Variants in FRAS1 observed in about 807,000 individuals in gnomAD.
FRAS1 encodes Fraser extracellular matrix complex subunit 1, also known as extracellular matrix organizing protein FRAS1.
In FRAS1, 290 loss-of-function variants were observed where a neutral mutation model predicts 435.2. That is an observed-to-expected ratio of 0.67 (90% confidence interval 0.61 to 0.73). The LOEUF (loss-of-function observed/expected upper bound fraction) is 0.73, where lower values mean the gene tolerates loss of function less well. Ranked by LOEUF, FRAS1 falls within the 30% of genes least tolerant of loss-of-function variation. The pLI is 0.00. For missense variants in FRAS1, 4,860 were observed against 5,001.5 expected, an observed-to-expected ratio of 0.97 and a Z score of 0.85; for synonymous variants, 1,800 against 1,851.0, an observed-to-expected ratio of 0.97 and a Z score of 0.71.
chr4:78,493,513 G>C (rs1311209540), intron 59 of FRAS1, among the ~76,000 whole-genome samples: 1 of 152,174 alleles, frequency 6.6e-6, no homozygotes, highest in Admixed American at 6.5e-5. Flanking sequence ...CAGGGACACG[G>C]ATGAAGCTGG....
chr4:78,327,696 C>A (rs1729773765), intron 18 of FRAS1, among the ~76,000 whole-genome samples: 1 of 152,212 alleles, frequency 6.6e-6, no homozygotes, highest in South Asian at 2.1e-4. Flanking sequence ...CATAGAACTT[C>A]TTTCAGATAT....
Position 78,438,878 on chromosome 4 carries a change from T to G in FRAS1, c.5367-24T>G, listed in dbSNP as rs752968551. ...TGGCTTGTCATCGTGGCTTATTCAT[T>G]TGATTCTTTTTGTTTTTTTATAGAT... On this transcript the variant is annotated intron_variant, in intron 39 of 73. Coordinates refer to ENST00000512123, the MANE Select transcript of FRAS1 (RefSeq NM_025074.7). 1.1e-4 allele frequency: 175 copies of G among 1,586,276 alleles called. No homozygotes were observed. The Admixed American group carries it at 1.3e-3, about 11-fold the overall frequency.
chr4:78,292,108 T>C (rs73827944), intron 14 of FRAS1, among the ~76,000 whole-genome samples: 2,090 of 152,352 alleles, frequency 0.014, 53 homozygotes, highest in African/African-American at 0.047. Context: ...ATTGATATTA[T>C]TGAAACCATT....
At chr4:78,099,376 C>G (rs1411478132) in intron 2 of FRAS1, among the ~76,000 whole-genome samples, 1 of 152,196 alleles carries the variant, frequency 6.6e-6, no homozygotes, top group Non-Finnish European at 1.5e-5. Flanking sequence ...TAGGGAGTGA[C>G]AGCAGGCTCT....
chr4:78,482,803 C>G (rs182785268), intron 58 of FRAS1, among the ~76,000 whole-genome samples: 21 of 152,230 alleles, frequency 1.4e-4, no homozygotes, highest in African/African-American at 4.6e-4. Flanking sequence ...CCTGTGGAAT[C>G]AGACCCTTAA....
At chr4:78,077,217 CA>C (rs1740679864) in intron 2 of FRAS1, among the ~76,000 whole-genome samples, 4 of 151,894 alleles carry the variant, frequency 2.6e-5, no homozygotes, top group Admixed American at 6.6e-5. Flanking sequence ...CACACACACA[CA>C]CATTAGCTGA....
chr4:78,197,801 C>T lies in FRAS1; in HGVS notation c.109-39709C>T, dbSNP rs368711775. On this transcript the variant is annotated intron_variant, in intron 2 of 73. Transcript: ENST00000512123. ...CTAAAAATACAAAAAATTAGCTGGG[C>T]GTGGTGGTGGGCGCCTGTAGTCCCA... is the stretch of plus-strand genomic sequence containing the variant. 9.7e-4 allele frequency among the ~76,000 whole-genome samples: 148 copies of T among 151,932 alleles called. 1 individual carries two copies. Among genetic ancestry groups the T allele is most frequent in the African/African-American group, 3.4e-3 (143 of 41,470 alleles).
chr4:78,529,885 A>AT (rs1330508169), intron 70 of FRAS1, among the ~76,000 whole-genome samples: 2 of 152,134 alleles, frequency 1.3e-5, no homozygotes, highest in East Asian at 3.8e-4. Context: ...TTTGTTTAAT[A>AT]TTTTTGGACT....
At chr4:78,344,734 T>C (rs1355684247) in intron 20 of FRAS1, among the ~76,000 whole-genome samples, 1 of 152,212 alleles carries the variant, frequency 6.6e-6, no homozygotes, top group Non-Finnish European at 1.5e-5. Flanking sequence ...TTTTAAATGC[T>C]AAGGAAGCTG....
chr4:78,258,231 C>T (rs1161564506), intron 6 of FRAS1, among the ~76,000 whole-genome samples: 1 of 151,564 alleles, frequency 6.6e-6, no homozygotes, highest in Admixed American at 6.6e-5. Context: ...GTCCCAGCTA[C>T]TTGGGAGGCT....
intron 44 of FRAS1, among the ~76,000 whole-genome samples, chr4:78,449,265 G>A (rs1718946504): frequency 1.3e-5 from 2 of 152,162 alleles, no homozygotes; most frequent in Admixed American, 6.5e-5. Flanking sequence ...ACACTTTCGT[G>A]TGCAGTAGGA....
chr4:78,507,392 GCT>G (rs1200729005), intron 61 of FRAS1, 27 bp from the exon 62 acceptor site: 2 of 1,583,168 alleles, frequency 1.3e-6, no homozygotes, highest in Middle Eastern at 1.7e-4. Context: ...TGAAGCCTTT[GCT>G]CTCTTTTTGT....
At chr4:78,285,564 C>A (rs1727549106) in intron 13 of FRAS1, among the ~76,000 whole-genome samples, 1 of 151,730 alleles carries the variant, frequency 6.6e-6, no homozygotes. Flanking sequence ...TCCTGAGTAG[C>A]TGAGATTACA....
At chr4:78,442,090 T>A (rs1035426248) in intron 41 of FRAS1, among the ~76,000 whole-genome samples, 21 of 152,238 alleles carry the variant, frequency 1.4e-4, no homozygotes, top group African/African-American at 5.1e-4. Context: ...ACTGCAGGTG[T>A]CTGGGGCCAG....
chr4:78,097,315 T>C (rs1179827860), intron 2 of FRAS1, among the ~76,000 whole-genome samples: 5 of 152,190 alleles, frequency 3.3e-5, no homozygotes, highest in African/African-American at 1.2e-4. Flanking sequence ...TTTTTTCCTG[T>C]GTTCTTCTGA....
Position 78,518,454 on chromosome 4 carries a change from T to TATATATA in FRAS1, c.10390-877_10390-876insATATATA, listed in dbSNP as rs1560423230. ...TATATATATATATATATATATATAT[T>TATATATA]TATTTATTTATTTATTTGTGGAAAA... On this transcript the variant is annotated intron_variant, in intron 66 of 73. Coordinates refer to ENST00000512123, the MANE Select transcript of FRAS1 (RefSeq NM_025074.7). Among the ~76,000 whole-genome samples the TATATATA allele has an allele frequency of 1.5e-3, 150 of 100,768 alleles. 1 individual carries two copies. Among genetic ancestry groups the TATATATA allele is most frequent in the African/African-American group, 5.8e-3 (139 of 24,006 alleles). The allele number at this position is 100,768 out of a possible 152,430, so 66.1% of individuals were successfully genotyped here.
chr4:78,261,317 A>G (rs970284781), intron 6 of FRAS1, among the ~76,000 whole-genome samples: 31 of 138,744 alleles, frequency 2.2e-4, no homozygotes, highest in Admixed American at 2.2e-3. Flanking sequence ...GCTTTTAAAC[A>G]TTTTTGTTTA....
chr4:78,466,232 G>A lies in FRAS1; in HGVS notation c.7054G>A (p.Val2352Met), dbSNP rs767039713. The change falls in exon 50 of 74, where the codon GTG becomes ATG. Residue 2352 changes from valine to methionine, a missense_variant. Val to Met is a conservative substitution (Grantham distance 21). Coordinates refer to ENST00000512123, the MANE Select transcript of FRAS1 (RefSeq NM_025074.7). ...TEAESVTFTIVQPPRHGTIER... is the reference protein window; with the variant it reads ...TEAESVTFTIMQPPRHGTIER... ...GGCCGAGTCTGTCACATTCACCATC[G>A]TGCAGCCTCCACGCCATGGCACCAT... is the stretch of plus-strand genomic sequence containing the variant. 5.6e-6 allele frequency: 9 copies of A among 1,613,680 alleles called. No individual in the cohort carries two copies. Among genetic ancestry groups the A allele is most frequent in the South Asian group, 4.4e-5 (4 of 91,060 alleles).
intron 3 of FRAS1, among the ~76,000 whole-genome samples, chr4:78,238,106 A>G (rs1022233183): frequency 6.6e-6 from 1 of 151,990 alleles, no homozygotes; most frequent in African/African-American, 2.4e-5. Flanking sequence ...ATTGAAAAAG[A>G]TTTTCTAAAA....
Sources: gnomAD v4.1 joint callset for allele counts (sites outside exome capture counted in the v4.1 genomes callset) on GRCh38, gnomAD v4.1.1 for gene constraint, MANE v1.5 for transcripts, NCBI Gene and HGNC (gene_info 2026-07-23, HGNC 2026-07-21) for gene names.